GRM8: variants seen among roughly 807,000 people sequenced by gnomAD.
GRM8 encodes metabotropic glutamate receptor 8.
In GRM8, 47 loss-of-function variants were observed where a neutral mutation model predicts 87.2. The ratio of observed to expected loss-of-function variants is 0.54; its 90% CI spans 0.43 to 0.69. GRM8 has a LOEUF of 0.69. Among genes scored for constraint, GRM8 ranks in the 30% least tolerant of loss-of-function variants. The pLI is 0.00. For missense variants in GRM8, 1,019 were observed against 1,139.2 expected, an observed-to-expected ratio of 0.89 and a Z score of 1.52; for synonymous variants, 396 against 404.5, an observed-to-expected ratio of 0.98 and a Z score of 0.25.
At position 126,904,678 on chromosome 7, in the gene GRM8, C is replaced by T; in HGVS notation, c.733G>A (p.Val245Ile). The change falls in exon 4 of 11, where the codon GTT becomes ATT. Residue 245 changes from valine to isoleucine, a missense_variant. Transcript: ENST00000339582. ...ATTTTCTGTGACTGAGCAATGCAAA[C>T]ACCACCTATTTAAAAAAGAAGGGAG... is the stretch of plus-strand genomic sequence containing the variant. ...FTQISREIGG[V>I]CIAQSQKIPR... 6 of 1,613,264 alleles carry T rather than the reference C, an allele frequency of 3.7e-6. No individual in the cohort carries two copies. In the South Asian group the frequency reaches 5.5e-5, roughly 15 times the overall value.
chr7:126,478,501 C>A (rs193252468), intron 9 of GRM8, among the ~76,000 whole-genome samples: 46 of 151,902 alleles, frequency 3.0e-4, no homozygotes, highest in Admixed American at 9.2e-4. Flanking sequence ...TAATTAATAC[C>A]TAACAGTAAA....
Position 126,739,966 on chromosome 7 carries a change from T to C in GRM8, c.1357+29899A>G, listed in dbSNP as rs568076261. On this transcript the variant is annotated intron_variant, in intron 7 of 10. Coordinates refer to ENST00000339582, the MANE Select transcript of GRM8 (RefSeq NM_000845.3). ...GTGTAGCAGACTATACCATCTAGGTTTGTATAAATACTTCTATGATGTTTG... is the reference window on the plus strand; with the variant it reads ...GTGTAGCAGACTATACCATCTAGGTCTGTATAAATACTTCTATGATGTTTG... 2.0e-5 allele frequency among the ~76,000 whole-genome samples: 3 copies of C among 152,158 alleles called. No homozygotes were observed. In the East Asian group the frequency reaches 5.8e-4, roughly 29 times the overall value.
chr7:126,712,656 A>G (rs1007382332), intron 7 of GRM8, among the ~76,000 whole-genome samples: 1 of 152,204 alleles, frequency 6.6e-6, no homozygotes, highest in Non-Finnish European at 1.5e-5. Context: ...ATCAGAGTGA[A>G]CAGGCAACCT....
intron 3 of GRM8, among the ~76,000 whole-genome samples, chr7:126,990,413 T>G (rs1472384788): frequency 1.3e-5 from 2 of 151,286 alleles, no homozygotes; most frequent in Non-Finnish European, 2.9e-5. Context: ...TACCTAGGCT[T>G]GCATTATGTA....
At chr7:126,738,716 G>T (rs927494178) in intron 7 of GRM8, among the ~76,000 whole-genome samples, 1 of 148,226 alleles carries the variant, frequency 6.7e-6, no homozygotes, top group African/African-American at 2.5e-5. Flanking sequence ...GGGGTTGGGG[G>T]ATGCAGAAAG....
intron 3 of GRM8, among the ~76,000 whole-genome samples, chr7:127,032,998 C>T (rs1299200366): frequency 7.9e-6 from 1 of 126,182 alleles, no homozygotes; most frequent in Admixed American, 7.7e-5. Context: ...TACCCTGAGG[C>T]CTTTCGTTTC....
intron 3 of GRM8, among the ~76,000 whole-genome samples, chr7:127,087,756 C>G (rs1035980489): frequency 6.6e-6 from 1 of 152,112 alleles, no homozygotes; most frequent in African/African-American, 2.4e-5. Context: ...ATGTTTAAGA[C>G]TTTTTACCAT....
chr7:126,840,726 T>C (rs1796197273), intron 6 of GRM8, among the ~76,000 whole-genome samples: 1 of 152,208 alleles, frequency 6.6e-6, no homozygotes. Flanking sequence ...GTTTCTAATA[T>C]AAATAAAAGG....
rs544873295 is a variant in GRM8, at chr7:127,147,259, C to A, written c.511-40547G>T. On this transcript the variant is annotated intron_variant, in intron 2 of 10. Transcript: ENST00000339582. ...AAGAAGTCTGAACCCCACCACCAAA[C>A]CAAGCAAAGCTGAAAGTAAACATGT... is the stretch of plus-strand genomic sequence containing the variant. 3.5e-4 allele frequency among the ~76,000 whole-genome samples: 53 copies of A among 152,130 alleles called. No individual in the cohort carries two copies. The South Asian group carries it at 0.011, about 31-fold the overall frequency.
At chr7:126,826,658 T>C (rs1207403603) in intron 6 of GRM8, among the ~76,000 whole-genome samples, 4 of 152,222 alleles carry the variant, frequency 2.6e-5, no homozygotes, top group Non-Finnish European at 5.9e-5. Flanking sequence ...TTCTCCCATT[T>C]TGTAGGTTGC....
At chr7:126,826,003 G>C (rs1032698111) in intron 6 of GRM8, among the ~76,000 whole-genome samples, 1 of 152,032 alleles carries the variant, frequency 6.6e-6, no homozygotes, top group Non-Finnish European at 1.5e-5. Context: ...AGTTTACTGA[G>C]AATGATGATT....
At chr7:126,757,171 G>A (rs1007883112) in intron 7 of GRM8, among the ~76,000 whole-genome samples, 3 of 152,098 alleles carry the variant, frequency 2.0e-5, no homozygotes, top group Non-Finnish European at 4.4e-5. Flanking sequence ...AAAAATTGCT[G>A]TGAAATGAAG....
At chr7:126,454,204 T>A (rs1308255158) in intron 9 of GRM8, among the ~76,000 whole-genome samples, 1 of 151,786 alleles carries the variant, frequency 6.6e-6, no homozygotes, top group African/African-American at 2.4e-5. Flanking sequence ...TCTATCTCTA[T>A]CTATCTGTCT....
At chr7:126,667,721 C>T (rs896105153) in intron 7 of GRM8, among the ~76,000 whole-genome samples, 1 of 152,176 alleles carries the variant, frequency 6.6e-6, no homozygotes, top group Non-Finnish European at 1.5e-5. Flanking sequence ...CTGTTGGGCA[C>T]AGCTTCTGAC....
At chr7:127,098,499 C>T (rs1255779573) in intron 3 of GRM8, among the ~76,000 whole-genome samples, 5 of 152,018 alleles carry the variant, frequency 3.3e-5, no homozygotes, top group African/African-American at 1.2e-4. Context: ...TACTAAGATA[C>T]ATTAAAAATA....
intron 9 of GRM8, among the ~76,000 whole-genome samples, chr7:126,493,727 A>G (rs1808332292): frequency 6.6e-6 from 1 of 151,972 alleles, no homozygotes; most frequent in South Asian, 2.1e-4. Flanking sequence ...TTCATTTTCT[A>G]AGTTGGAATA....
intron 6 of GRM8, among the ~76,000 whole-genome samples, chr7:126,872,165 T>C (rs1799156291): frequency 6.6e-6 from 1 of 152,192 alleles, no homozygotes; most frequent in Non-Finnish European, 1.5e-5. Context: ...GAAGGGACTC[T>C]GCTGTTCTCA....
chr7:126,835,849 C>T (rs1475177534), intron 6 of GRM8, among the ~76,000 whole-genome samples: 1 of 152,162 alleles, frequency 6.6e-6, no homozygotes, highest in Non-Finnish European at 1.5e-5. Flanking sequence ...AAAGTGAGTA[C>T]ATTTTTCTCC....
intron 3 of GRM8, among the ~76,000 whole-genome samples, chr7:126,921,839 G>A (rs1249566147): frequency 6.6e-6 from 1 of 152,094 alleles, no homozygotes; most frequent in Non-Finnish European, 1.5e-5. Flanking sequence ...ATGGAATGAA[G>A]CTTTCCAAAC....
Sources: allele counts gnomAD v4.1 joint callset (sites outside exome capture counted in the v4.1 genomes callset), GRCh38; gene constraint gnomAD v4.1.1; transcripts MANE v1.5; gene names NCBI Gene and HGNC (gene_info 2026-07-23, HGNC 2026-07-21).